Variants in COL5A1 observed in about 807,000 individuals in gnomAD.
COL5A1 encodes the protein collagen alpha-1(V) chain.
COL5A1 carries 16 observed loss-of-function variants against 263.7 expected under a neutral mutation model. The ratio of observed to expected loss-of-function variants is 0.06; its 90% CI spans 0.04 to 0.09. COL5A1 has a LOEUF of 0.09. COL5A1 is among the 10% of genes least tolerant of loss of function. COL5A1 has a pLI of 1.00. For synonymous variants in COL5A1, 1,012 were observed against 1,004.5 expected (o/e 1.01, Z -0.14); for missense variants, 2,036 against 2,540.5 (o/e 0.80, Z 4.27).
At chr9:134,665,280 CGT>C (rs1564374139) in intron 1 of COL5A1, among the ~76,000 whole-genome samples, 1 of 152,148 alleles carries the variant, frequency 6.6e-6, no homozygotes, top group Non-Finnish European at 1.5e-5. Context: ...TGCAGATATA[CGT>C]GTGTGTGGAG....
At position 134,809,217 on chromosome 9, in the gene COL5A1, A is replaced by G; in HGVS notation, c.3401A>G (p.Asp1134Gly). Residue 1134 changes from aspartate (D) to glycine (G), a missense_variant, in exon 43 of 66, where the codon GAC (aspartate) becomes GGC (glycine). Transcript: ENST00000371817. ...EKGPQGPAGR[D>G]GLQGPVGLPG... ...GGCCCACAAGGCCCAGCTGGCCGAG[A>G]CGGTCTCCAGGGGCCTGTGGGGCTC... 6.2e-7 allele frequency: 1 copy of G among 1,601,428 alleles called. No individual in the cohort carries two copies. Among genetic ancestry groups the G allele is most frequent in the Non-Finnish European group, 8.5e-7 (1 of 1,174,150 alleles).
At position 134,728,662 on chromosome 9, in the gene COL5A1, G is replaced by A. The variant is rs780803048; in HGVS notation, c.787-8G>A. On this transcript the variant is annotated splice_region_variant and splice_polypyrimidine_tract_variant and intron_variant, in intron 5 of 65. Transcript: ENST00000371817. ...CTGCTTCCTCACGGGGCCGCAATTC[G>A]CTTTCAGTACACGGAAGGAGACGGC... 1.3e-5 allele frequency: 21 copies of A among 1,613,832 alleles called. No homozygotes were observed. The highest frequency in any genetic ancestry group is 8.9e-5 in the East Asian group (4 of 44,886).
intron 64 of COL5A1, among the ~76,000 whole-genome samples, chr9:134,834,512 A>C (rs1211385872): frequency 6.6e-6 from 1 of 152,194 alleles, no homozygotes; most frequent in Non-Finnish European, 1.5e-5. Flanking sequence ...TATCAAGCGC[A>C]CACTGGGCAG....
chr9:134,761,832 A>C (rs1224553237), intron 18 of COL5A1, 93 bp from the exon 19 acceptor site: 2 of 1,228,548 alleles, frequency 1.6e-6, no homozygotes, highest in East Asian at 4.6e-5. Flanking sequence ...TGGGAATCTT[A>C]CTGTCAGAAT....
At position 134,712,027 on chromosome 9, in the gene COL5A1, C is replaced by CTTCCTG. The variant is rs1834062938; in HGVS notation, c.654+10694_654+10695insTTCCTG. On this transcript the variant is annotated intron_variant, in intron 4 of 65. Transcript: ENST00000371817. Reference sequence around the variant, plus strand: ...CTCCTTCCTGTCCCCCTCCTTCCTTCCCCCCTTCTTCCTGCCCCCTTCTTC... The same window carrying CTTCCTG: ...CTCCTTCCTGTCCCCCTCCTTCCTTCTTCCTGCCCCCTTCTTCCTGCCCCCTTCTTC... 6.8e-5 allele frequency among the ~76,000 whole-genome samples: 3 copies of CTTCCTG among 44,114 alleles called. No homozygotes were observed. The Admixed American group carries it at 8.7e-4, about 13-fold the overall frequency. The allele number at this position is 44,114 out of a possible 152,430, so 28.9% of individuals were successfully genotyped here.
intron 4 of COL5A1, among the ~76,000 whole-genome samples, chr9:134,722,961 A>G (rs183064244): frequency 2.0e-5 from 3 of 151,974 alleles, no homozygotes; most frequent in African/African-American, 4.8e-5. Context: ...TCAGGGCCCC[A>G]CTCTTGCTTC....
chr9:134,834,955 A>G lies in COL5A1; in HGVS notation c.5137-16A>G. ...TGTCCCCACCCTGCTGAGCCCCAAC[A>G]CCCCTGTCCCCCCAGCTCTCCTATG... is the stretch of plus-strand genomic sequence containing the variant. On this transcript the variant is annotated splice_polypyrimidine_tract_variant and intron_variant, in intron 64 of 65. Coordinates refer to ENST00000371817, the MANE Select transcript of COL5A1 (RefSeq NM_000093.5). The G allele has an allele frequency of 6.3e-7, 1 of 1,594,026 alleles. No individual in the cohort carries two copies. Among genetic ancestry groups the G allele is most frequent in the Non-Finnish European group, 8.6e-7 (1 of 1,164,560 alleles).
intron 65 of COL5A1, among the ~76,000 whole-genome samples, chr9:134,839,133 C>T (rs544241789): frequency 1.1e-4 from 16 of 152,344 alleles, no homozygotes; most frequent in African/African-American, 3.4e-4. Context: ...GGAATTCCAA[C>T]GCGGGCATCG....
intron 2 of COL5A1, among the ~76,000 whole-genome samples, chr9:134,695,149 T>C (rs3922982): frequency 0.17 from 26,467 of 152,078 alleles, 2,961 homozygotes; most frequent in African/African-American, 0.32. Flanking sequence ...TTGTCCTCTG[T>C]AGGTGCCTTT....
rs1361526062 is a variant in COL5A1, at chr9:134,758,924, C to T, written c.1935+628C>T. ...GATAAACGGCAACAGCCAAGCCCCT[C>T]GAATCTTGAATCTGTCTCAATAGAC... On this transcript the variant is annotated intron_variant, in intron 18 of 65. Coordinates refer to ENST00000371817, the MANE Select transcript of COL5A1 (RefSeq NM_000093.5). This position sits in a 1 kb window ranked among gnomAD's most constrained non-coding sequence, Gnocchi z 4.1. Among the ~76,000 whole-genome samples the T allele has an allele frequency of 6.6e-6, 1 of 152,146 alleles. No individual in the cohort carries two copies. The highest frequency in any genetic ancestry group is 1.5e-5 in the Non-Finnish European group (1 of 68,022).
At chr9:134,727,137 T>C in intron 4 of COL5A1, 129 bp from the exon 5 acceptor site, 1 of 962,088 alleles carries the variant, frequency 1.0e-6, no homozygotes, top group Non-Finnish European at 1.7e-6. Flanking sequence ...AATGTTTGGC[T>C]CTGAGGACAA....
In COL5A1 at chr9:134,728,709, G is replaced by C. The variant is rs776904091; in HGVS notation, c.826G>C (p.Glu276Gln). Residue 276 changes from glutamate to glutamine, a missense_variant, in exon 6 of 66, where the codon GAA becomes CAA. Transcript: ENST00000371817. ...CGGCGAGGGTGAGACCTATTACTAC[G>C]AATACCCCTACTACGAAGACCCCGA... is the stretch of plus-strand genomic sequence containing the variant. The part of the protein sequence containing the change: ...GDGEGETYYY[E>Q]YPYYEDPEDL... 1 of 1,614,160 alleles carries C rather than the reference G, an allele frequency of 6.2e-7. No homozygotes were observed. The highest frequency in any genetic ancestry group is 1.7e-5 in the Admixed American group (1 of 60,032).
rs777872094 is a variant in COL5A1, at chr9:134,772,747, C to T, written c.2287-43C>T. 3 of 1,608,344 alleles carry T rather than the reference C, an allele frequency of 1.9e-6. No homozygotes were observed. The South Asian group carries it at 3.3e-5, about 18-fold the overall frequency. On this transcript the variant is annotated intron_variant, in intron 25 of 65. Transcript: ENST00000371817. Reference sequence around the variant, plus strand: ...GAGGGGAAGCGAGGGAGGCTGCTTTCTGGAGTGGCACTGACTAATCAATGC... The same window carrying T: ...GAGGGGAAGCGAGGGAGGCTGCTTTTTGGAGTGGCACTGACTAATCAATGC...
At chr9:134,720,407 T>A (rs1477538395) in intron 4 of COL5A1, among the ~76,000 whole-genome samples, 3 of 152,188 alleles carry the variant, frequency 2.0e-5, no homozygotes, top group Admixed American at 2.0e-4. Flanking sequence ...ATCGACCAAT[T>A]TTCCTGGTCT....
At chr9:134,751,056 A>G (rs1192581821) in intron 13 of COL5A1, among the ~76,000 whole-genome samples, 174 bp downstream of exon 13, 1 of 152,102 alleles carries the variant, frequency 6.6e-6, no homozygotes, top group African/African-American at 2.4e-5. Flanking sequence ...CTCAGTGTCC[A>G]GTAGGGACCC....
chr9:134,795,405 T>A (rs1837869063), intron 34 of COL5A1, 90 bp downstream of exon 34: 4 of 1,131,784 alleles, frequency 3.5e-6, no homozygotes, highest in Non-Finnish European at 5.1e-6. Context: ...TCTGTGACCT[T>A]TTTTATTAAA....
chr9:134,732,237 T>A, intron 9 of COL5A1, 110 bp downstream of exon 9: 1 of 1,159,718 alleles, frequency 8.6e-7, no homozygotes, highest in Non-Finnish European at 1.3e-6. Flanking sequence ...CTGCGCGCAC[T>A]GGGTCACTTC....
rs747860941 is a variant in COL5A1, at chr9:134,767,188, C to T, written c.2188-122C>T. On this transcript the variant is annotated intron_variant, in intron 23 of 65. Coordinates refer to ENST00000371817, the MANE Select transcript of COL5A1 (RefSeq NM_000093.5). ...GCCCCTCCCCTTATCTGGAGGGAGA[C>T]TAGGACCTGGGTTGGTGCCTGGATG... is the stretch of plus-strand genomic sequence containing the variant. 7.1e-6 allele frequency: 10 copies of T among 1,416,372 alleles called. No homozygotes were observed. In the Admixed American group the frequency reaches 1.2e-4, roughly 17 times the overall value. The allele number at this position is 1,416,372 out of a possible 1,614,324, so 87.7% of individuals were successfully genotyped here.
intron 1 of COL5A1, among the ~76,000 whole-genome samples, chr9:134,661,725 C>G (rs749865799): frequency 2.0e-5 from 3 of 152,134 alleles, no homozygotes; most frequent in Non-Finnish European, 2.9e-5. Flanking sequence ...TCTCTCCAGG[C>G]CCTTTCAACC....
Sources: gnomAD v4.1 joint callset for allele counts (sites outside exome capture counted in the v4.1 genomes callset) on GRCh38, gnomAD v4.1.1 for gene constraint, Gnocchi (gnomAD v3.1) non-coding constraint, MANE v1.5 for transcripts, NCBI Gene and HGNC (gene_info 2026-07-23, HGNC 2026-07-21) for gene names.